Variants in PPFIA1 observed in about 807,000 individuals in gnomAD.
PPFIA1 encodes PPFI scaffold protein A1, also known as liprin-alpha-1.
PPFIA1 carries 25 observed loss-of-function variants against 149.9 expected under a neutral mutation model. The ratio of observed to expected loss-of-function variants is 0.17; its 90% confidence interval spans 0.12 to 0.23. PPFIA1 has a LOEUF of 0.23. PPFIA1 is among the 10% of genes least tolerant of loss of function. PPFIA1 has a pLI of 1.00. For missense variants in PPFIA1, 1,362 were observed against 1,506.5 expected (o/e 0.90, Z 1.59); for synonymous variants, 549 against 552.8 (o/e 0.99, Z 0.10).
In PPFIA1 at chr11:70,359,718, A is replaced by G. The variant is rs1168739494; in HGVS notation, c.2583-2377A>G. ...TGAAAGACAACTTTACCGTTATGCT[A>G]TGTCTTAATTATAAAATGCACAACA... is the stretch of plus-strand genomic sequence containing the variant. On this transcript the variant is annotated intron_variant, in intron 19 of 27. Transcript: ENST00000253925. 2.6e-5 allele frequency among the ~76,000 whole-genome samples: 4 copies of G among 152,352 alleles called. No homozygotes were observed. In the South Asian group the frequency reaches 6.2e-4, roughly 24 times the overall value.
chr11:70,285,208 C>T (rs1434348017), intron 2 of PPFIA1, among the ~76,000 whole-genome samples: 1 of 151,848 alleles, frequency 6.6e-6, no homozygotes, highest in Non-Finnish European at 1.5e-5. Flanking sequence ...CCACGTTGCC[C>T]AGGCTGGTCT....
At chr11:70,280,542 C>G (rs1024677667) in intron 2 of PPFIA1, among the ~76,000 whole-genome samples, 5 of 152,078 alleles carry the variant, frequency 3.3e-5, no homozygotes, top group Admixed American at 6.6e-5. Context: ...GCACTCCAGC[C>G]TGGGTGGCAA....
chr11:70,282,708 AT>A (rs529632967), intron 2 of PPFIA1, among the ~76,000 whole-genome samples: 246 of 147,930 alleles, frequency 1.7e-3, no homozygotes, highest in Non-Finnish European at 2.8e-3. Context: ...TTTGTTTTGT[AT>A]TTTTAGTAGA....
At position 70,324,876 on chromosome 11, in the gene PPFIA1, C is replaced by A; in HGVS notation, c.396C>A (p.Val132=). 6.2e-7 allele frequency: 1 copy of A among 1,606,806 alleles called. No individual in the cohort carries two copies. Among genetic ancestry groups the A allele is most frequent in the Non-Finnish European group, 8.5e-7 (1 of 1,176,974 alleles). ...RLLLEHLECL[V]SRHERSLRMT... The stretch of plus-strand genomic sequence containing the variant: ...TGTTAGAGCATTTGGAATGCCTTGT[C>A]TCCAGGCATGAGCGGTCTCTTAGGA... Residue 132 remains valine, a synonymous_variant, in exon 4 of 28, where the codon GTC becomes GTA. Transcript: ENST00000253925.
rs534107453 is a variant in PPFIA1 at position 70,355,870 on chromosome 11, T to C, written c.2488+59T>C. The C allele has an allele frequency of 1.1e-5, 17 of 1,555,202 alleles. No homozygotes were observed. The South Asian group carries it at 1.5e-4, about 13-fold the overall frequency. On this transcript the variant is annotated intron_variant, in intron 18 of 27. Transcript: ENST00000253925. The stretch of plus-strand genomic sequence containing the variant: ...AGGGGTCGGGGAGGAAGGCACTGCC[T>C]TCGGTGCCATCAGTTCCCACGCGGT...
At chr11:70,333,390 C>A in intron 9 of PPFIA1, 80 bp from the exon 10 acceptor site, 1 of 1,081,602 alleles carries the variant, frequency 9.2e-7, no homozygotes, top group Non-Finnish European at 1.4e-6. Context: ...CATGTTGTGC[C>A]TGTTGCCACT....
chr11:70,286,979 GCA>G (rs1160040939), intron 2 of PPFIA1, among the ~76,000 whole-genome samples: 1 of 132,634 alleles, frequency 7.5e-6, no homozygotes, highest in African/African-American at 3.4e-5. Context: ...ACACATATAT[GCA>G]CATACACACA....
rs746844355 is a variant in PPFIA1, at chr11:70,338,393, T to A, written c.1511T>A (p.Ile504Asn). The change falls in exon 13 of 28, where the codon ATT becomes AAT. Residue 504 changes from isoleucine (I) to asparagine (N), a missense_variant. Physicochemically the swap from Ile to Asn is moderately radical, Grantham distance 149. Around this residue, in one of 7 missense-constraint regions of PPFIA1, gnomAD observed 733 missense variants for 744.1 expected, o/e 0.99. Coordinates refer to ENST00000253925, the MANE Select transcript of PPFIA1 (RefSeq NM_003626.5). Reference sequence around the variant, plus strand: ...CTGTAGGATCAGCTTGTCCTAAACATTGAAGCACTGAGGGCTGAACTAGAC... The same window carrying A: ...CTGTAGGATCAGCTTGTCCTAAACAATGAAGCACTGAGGGCTGAACTAGAC... ...QHDKDQLVLNIEALRAELDHM... is the reference protein window; with the variant it reads ...QHDKDQLVLNNEALRAELDHM... 15 of 1,613,008 alleles carry A rather than the reference T, an allele frequency of 9.3e-6. No homozygotes were observed. Among genetic ancestry groups the A allele is most frequent in the East Asian group, 2.2e-5 (1 of 44,892 alleles).
At chr11:70,343,053 T>A (rs1393911697) in intron 14 of PPFIA1, among the ~76,000 whole-genome samples, 5 of 143,474 alleles carry the variant, frequency 3.5e-5, no homozygotes, top group Non-Finnish European at 7.5e-5. Flanking sequence ...GTTCAAGCAA[T>A]TCTCCTGCCT....
At chr11:70,280,325 T>A (rs2050679215) in intron 2 of PPFIA1, among the ~76,000 whole-genome samples, 1 of 151,786 alleles carries the variant, frequency 6.6e-6, no homozygotes, top group African/African-American at 2.4e-5. Flanking sequence ...TCCCAGCACT[T>A]TGGGAGGCCA....
At chr11:70,366,610 C>T (rs868541948) in intron 21 of PPFIA1, among the ~76,000 whole-genome samples, 1 of 152,214 alleles carries the variant, frequency 6.6e-6, no homozygotes, top group African/African-American at 2.4e-5. Flanking sequence ...CTTCTGTGGT[C>T]AGGGTGTATG....
intron 2 of PPFIA1, among the ~76,000 whole-genome samples, chr11:70,310,352 A>G (rs1183828799): frequency 6.6e-6 from 1 of 151,514 alleles, no homozygotes; most frequent in African/African-American, 2.4e-5. Flanking sequence ...AAGTTAAGAG[A>G]GAGGCACAGT....
chr11:70,283,190 TTCTC>T (rs2050885221), intron 2 of PPFIA1, among the ~76,000 whole-genome samples: 1 of 152,092 alleles, frequency 6.6e-6, no homozygotes, highest in Non-Finnish European at 1.5e-5. Context: ...GCCTTTGGGC[TTCTC>T]TCTAATTTCA....
intron 2 of PPFIA1, among the ~76,000 whole-genome samples, chr11:70,323,354 A>G (rs2054070332): frequency 6.6e-6 from 1 of 152,216 alleles, no homozygotes; most frequent in South Asian, 2.1e-4. Flanking sequence ...TTACAGAGCC[A>G]GGGCACAGCT....
At chr11:70,277,793 A>T (rs1015195112) in intron 2 of PPFIA1, among the ~76,000 whole-genome samples, 1 of 150,870 alleles carries the variant, frequency 6.6e-6, no homozygotes, top group Non-Finnish European at 1.5e-5. Context: ...CCCAGCCTAT[A>T]TTTCTTTTCC....
In PPFIA1 at chr11:70,362,441, G is replaced by A. The variant is rs2056707130; in HGVS notation, c.2818G>A (p.Glu940Lys). Residue 940 changes from glutamate (E) to lysine (K), a missense_variant, in exon 21 of 28, where the codon GAG (glutamate) becomes AAG (lysine). Glu to Lys is a moderately conservative substitution (Grantham distance 56). This residue lies in a region of PPFIA1 where 349 missense variants were observed against 373.3 expected (regional missense o/e 0.93). Transcript: ENST00000253925. ...GCTGAAGCTGAGGCTGGCCATCCAG[G>A]AGATCATGTCGCTGACCAGCCCGTC... ...HRLKLRLAIQ[E>K]IMSLTSPSAP... 1 of 1,614,030 alleles carries A rather than the reference G, an allele frequency of 6.2e-7. No individual in the cohort carries two copies. Among genetic ancestry groups the A allele is most frequent in the Non-Finnish European group, 8.5e-7 (1 of 1,180,030 alleles).
At chr11:70,336,678 A>G (rs1193711178) in intron 11 of PPFIA1, among the ~76,000 whole-genome samples, 1 of 152,204 alleles carries the variant, frequency 6.6e-6, no homozygotes, top group Admixed American at 6.5e-5. Context: ...GAGTACTGTC[A>G]TCATGGAAAC....
chr11:70,285,438 A>G (rs890856743), intron 2 of PPFIA1, among the ~76,000 whole-genome samples: 1 of 151,368 alleles, frequency 6.6e-6, no homozygotes, highest in Non-Finnish European at 1.5e-5. Context: ...CATGCCTGTA[A>G]TGGGAGGCCG....
chr11:70,272,295 C>G lies in PPFIA1; in HGVS notation c.123C>G (p.Val41=). 1 of 1,614,182 alleles carries G rather than the reference C, an allele frequency of 6.2e-7. No individual in the cohort carries two copies. The highest frequency in any genetic ancestry group is 8.5e-7 in the Non-Finnish European group (1 of 1,180,034). Residue 41 remains valine, a synonymous_variant, in exon 2 of 28, where the codon GTC becomes GTG. Coordinates refer to ENST00000253925, the MANE Select transcript of PPFIA1 (RefSeq NM_003626.5). ...DADSHFEQLM[V]SMLEERDRLL... Reference sequence around the variant, plus strand: ...ATTCACATTTTGAACAGTTGATGGTCTCCATGCTAGAAGAAAGGGACCGCC... The same window carrying G: ...ATTCACATTTTGAACAGTTGATGGTGTCCATGCTAGAAGAAAGGGACCGCC...
Sources: gnomAD v4.1 joint callset for allele counts (sites outside exome capture counted in the v4.1 genomes callset) on GRCh38, gnomAD v4.1.1 for gene constraint, gnomAD v4.1.1 regional missense constraint, MANE v1.5 for transcripts, NCBI Gene and HGNC (gene_info 2026-07-23, HGNC 2026-07-21) for gene names.